RBM28: variants seen among roughly 807,000 people sequenced by gnomAD.
RBM28 encodes RNA-binding protein 28.
In RBM28, 78 loss-of-function variants were observed where a neutral mutation model predicts 98.3. That is an observed-to-expected ratio of 0.79 (90% CI 0.66 to 0.96). RBM28 has a LOEUF of 0.96. Among genes scored for constraint, RBM28 ranks in the 40% least tolerant of loss-of-function variants. The pLI is 0.00. For synonymous variants in RBM28, 306 were observed against 330.9 expected, an observed-to-expected ratio of 0.92 and a Z score of 0.82; for missense variants, 838 against 913.0, an observed-to-expected ratio of 0.92 and a Z score of 1.06.
chr7:128,325,996 G>C, intron 10 of RBM28, 105 bp from the exon 11 acceptor site: 1 of 914,328 alleles, frequency 1.1e-6, no homozygotes, highest in South Asian at 1.3e-5. Context: ...GGGATAGGTG[G>C]CATCCATTTA....
At chr7:128,340,129 C>A (rs1349589241) in intron 1 of RBM28, among the ~76,000 whole-genome samples, 1 of 151,980 alleles carries the variant, frequency 6.6e-6, no homozygotes, top group East Asian at 1.9e-4. Context: ...TCAAAAAGAA[C>A]AAAACATCAC....
At chr7:128,321,539 C>T (rs770619916) in intron 13 of RBM28, 115 bp from the exon 14 acceptor site, 55 of 1,301,254 alleles carry the variant, frequency 4.2e-5, no homozygotes, top group Admixed American at 1.1e-4. Flanking sequence ...ATATAGAAAA[C>T]GGATGGAAAC....
At chr7:128,332,837 T>C (rs1432691770) in intron 9 of RBM28, among the ~76,000 whole-genome samples, 1 of 152,004 alleles carries the variant, frequency 6.6e-6, no homozygotes, top group Non-Finnish European at 1.5e-5. Context: ...CAACACGAAA[T>C]AAAGCCTATT....
chr7:128,322,474 CA>C (rs1295669008), intron 13 of RBM28, among the ~76,000 whole-genome samples: 1 of 152,044 alleles, frequency 6.6e-6, no homozygotes, highest in Non-Finnish European at 1.5e-5. Context: ...GTAAAAGTAC[CA>C]ACAGATCACA....
At chr7:128,338,368 A>C (rs771704779) in intron 4 of RBM28, 26 bp from the exon 5 acceptor site, 1 of 1,580,340 alleles carries the variant, frequency 6.3e-7, no homozygotes, top group Non-Finnish European at 8.7e-7. Context: ...CAAAGAAAGA[A>C]GTGAGAGGCA....
In RBM28 at chr7:128,310,749, T is replaced by C; in HGVS notation, c.*48A>G. On this transcript the variant is annotated 3_prime_UTR_variant, in exon 19 of 19. Transcript: ENST00000223073. Reference sequence around the variant, plus strand: ...GGGGATGGGGAGGAGCCCAGGAGTGTCACCAGAAAGTACACAACCCAGCTT... The same window carrying C: ...GGGGATGGGGAGGAGCCCAGGAGTGCCACCAGAAAGTACACAACCCAGCTT... 1 of 1,610,262 alleles carries C rather than the reference T, an allele frequency of 6.2e-7. No homozygotes were observed. The highest frequency in any genetic ancestry group is 8.5e-7 in the Non-Finnish European group (1 of 1,178,612).
Position 128,339,215 on chromosome 7 carries a change from T to C in RBM28, c.372+12A>G. The C allele has an allele frequency of 1.9e-6, 3 of 1,591,018 alleles. No individual in the cohort carries two copies. The highest frequency in any genetic ancestry group is 2.6e-6 in the Non-Finnish European group (3 of 1,159,038). ...TTCAAAACATGCAATGTTCATTTTCTCTCTCACTTACCTTAAAGCTCAGGT... is the reference window on the plus strand; with the variant it reads ...TTCAAAACATGCAATGTTCATTTTCCCTCTCACTTACCTTAAAGCTCAGGT... On this transcript the variant is annotated intron_variant, in intron 3 of 18. Transcript: ENST00000223073.
Position 128,318,474 on chromosome 7 carries a change from CAAAAA to C in RBM28, c.1564-373_1564-369del, listed in dbSNP as rs35005841. Among the ~76,000 whole-genome samples the C allele has an allele frequency of 8.2e-5, 9 of 109,930 alleles. No homozygotes were observed. The South Asian group carries it at 2.3e-3, about 28-fold the overall frequency. 72.1% of individuals were successfully genotyped at this position (109,930 alleles called of 152,430 possible). A position where few individuals can be genotyped will look rare whatever the true frequency, so the allele number is the denominator to read the frequency against. ...TGGGCAACAGAGTGAGACCCTGTCTCAAAAAAAAAAAAAAAAAATCAGGTTATTGA... is the reference window on the plus strand; with the variant it reads ...TGGGCAACAGAGTGAGACCCTGTCTCAAAAAAAAAAAAATCAGGTTATTGA... On this transcript the variant is annotated intron_variant, in intron 14 of 18. Coordinates refer to ENST00000223073, the MANE Select transcript of RBM28 (RefSeq NM_018077.3).
At chr7:128,317,837 T>C (rs1320407414) in intron 15 of RBM28, 104 bp from the exon 16 acceptor site, 5 of 1,527,970 alleles carry the variant, frequency 3.3e-6, no homozygotes, top group East Asian at 2.3e-5. Flanking sequence ...CACCTTTTTT[T>C]TGTCCACTTG....
intron 1 of RBM28, chr7:128,341,143 C>T (rs754616911): frequency 2.3e-6 from 3 of 1,288,524 alleles, no homozygotes; most frequent in South Asian, 2.5e-5. Flanking sequence ...AGTTCATATG[C>T]TCTGCTTCTC....
intron 3 of RBM28, 113 bp downstream of exon 3, chr7:128,339,114 C>T (rs1796665603): frequency 9.8e-6 from 10 of 1,015,888 alleles, no homozygotes; most frequent in African/African-American, 1.6e-5. Flanking sequence ...AAGGTTGATT[C>T]CCAGAAGGAA....
At chr7:128,322,623 A>G (rs1360065226) in intron 13 of RBM28, among the ~76,000 whole-genome samples, 1 of 152,228 alleles carries the variant, frequency 6.6e-6, no homozygotes, top group Non-Finnish European at 1.5e-5. Context: ...TCATTGAATG[A>G]GCTTTTTGCT....
At chr7:128,312,699 T>A (rs1050117207) in intron 18 of RBM28, among the ~76,000 whole-genome samples, 2 of 152,146 alleles carry the variant, frequency 1.3e-5, no homozygotes, top group South Asian at 2.1e-4. Context: ...TATAAAAAAA[T>A]TTTTTTCAGG....
intron 11 of RBM28, among the ~76,000 whole-genome samples, chr7:128,325,439 T>C (rs1796327721): frequency 6.6e-6 from 1 of 152,188 alleles, no homozygotes; most frequent in Non-Finnish European, 1.5e-5. Flanking sequence ...ATGGAGTAAT[T>C]CTCCATCACC....
chr7:128,331,472 T>C (rs1313528780), intron 9 of RBM28, among the ~76,000 whole-genome samples: 1 of 152,140 alleles, frequency 6.6e-6, no homozygotes, highest in Admixed American at 6.5e-5. Context: ...CTTTTTCCAC[T>C]TAAATTGACC....
At chr7:128,329,021 G>C (rs935599997) in intron 10 of RBM28, among the ~76,000 whole-genome samples, 2 of 151,380 alleles carry the variant, frequency 1.3e-5, no homozygotes, top group Non-Finnish European at 2.9e-5. Flanking sequence ...GGCAATCATA[G>C]CTCACTGAAG....
chr7:128,320,081 GT>G, intron 14 of RBM28, among the ~76,000 whole-genome samples: 1 of 152,042 alleles, frequency 6.6e-6, no homozygotes, highest in Non-Finnish European at 1.5e-5. Context: ...GCTGGGCGTG[GT>G]GGTGCATGCC....
Position 128,321,272 on chromosome 7 carries a change from G to T in RBM28, c.1557C>A (p.Ile519=). ...SATSGEKGVR[I]KECRVMRDLK... ...GGTCAGGGCCACGTCTCACCTCCTTGATGCGCACCCCTTTCTCTCCACTAG... is the reference window on the plus strand; with the variant it reads ...GGTCAGGGCCACGTCTCACCTCCTTTATGCGCACCCCTTTCTCTCCACTAG... Residue 519 remains isoleucine (I), a synonymous_variant, in exon 14 of 19, where the codon ATC becomes ATA. Coordinates refer to ENST00000223073, the MANE Select transcript of RBM28 (RefSeq NM_018077.3). 1.2e-6 allele frequency: 2 copies of T among 1,614,182 alleles called. No homozygotes were observed. The highest frequency in any genetic ancestry group is 2.2e-5 in the South Asian group (2 of 91,076).
intron 13 of RBM28, 60 bp from the exon 14 acceptor site, chr7:128,321,484 A>G (rs1355635491): frequency 6.3e-7 from 1 of 1,597,348 alleles, no homozygotes; most frequent in South Asian, 1.1e-5. Context: ...TAGGCTCATA[A>G]TTCTCCAAAA....
Sources: gnomAD v4.1 joint callset for allele counts (sites outside exome capture counted in the v4.1 genomes callset) on GRCh38, gnomAD v4.1.1 for gene constraint, MANE v1.5 for transcripts, NCBI Gene and HGNC (gene_info 2026-07-23, HGNC 2026-07-21) for gene names.